Variants in TYK2 observed in about 807,000 individuals in gnomAD.
TYK2 encodes tyrosine kinase 2.
A neutral mutation model predicts 130.9 loss-of-function variants in TYK2; 65 were observed. That is an observed-to-expected ratio of 0.50 (90% confidence interval 0.41 to 0.61). The LOEUF (loss-of-function observed/expected upper bound fraction) is 0.61, where lower values mean the gene tolerates loss of function less well. Among genes scored for constraint, TYK2 ranks in the 20% least tolerant of loss-of-function variants. The pLI is 0.00. For missense variants in TYK2, 1,378 were observed against 1,610.7 expected, an observed-to-expected ratio of 0.86 and a Z score of 2.47; for synonymous variants, 647 against 658.9, an observed-to-expected ratio of 0.98 and a Z score of 0.28.
At chr19:10,357,381 C>T (rs190876159) in intron 17 of TYK2, 36 of 632,468 alleles carry the variant, frequency 5.7e-5, no homozygotes, top group African/African-American at 5.3e-4. Flanking sequence ...TAGAGTGGAA[C>T]TTCGTCTCAA....
At chr19:10,373,726 C>T (rs937951030) in intron 3 of TYK2, among the ~76,000 whole-genome samples, 2 of 152,170 alleles carry the variant, frequency 1.3e-5, no homozygotes, top group East Asian at 1.9e-4. Context: ...TTCCATGGCT[C>T]CCCATTGCTC....
In TYK2 at chr19:10,374,761, T is replaced by TA. The variant is rs2042053459; in HGVS notation, c.193+3452dup. 4.0e-5 allele frequency among the ~76,000 whole-genome samples: 6 copies of TA among 150,698 alleles called. No individual in the cohort carries two copies. In the South Asian group the frequency reaches 1.3e-3, roughly 31 times the overall value. On this transcript the variant is annotated intron_variant, in intron 3 of 24. Transcript: ENST00000525621. ...AGCTGGGCGTGGTGGCAGGCGCCTGTAATCCCAGCTACTCAGGAGGCTGAG... is the reference window on the plus strand; with the variant it reads ...AGCTGGGCGTGGTGGCAGGCGCCTGTAAATCCCAGCTACTCAGGAGGCTGAG...
chr19:10,359,780 C>T (rs1599339918), intron 14 of TYK2, among the ~76,000 whole-genome samples: 2 of 151,396 alleles, frequency 1.3e-5, no homozygotes, highest in South Asian at 2.1e-4. Flanking sequence ...GAGTTCGAGA[C>T]CAGCCTGGTC....
chr19:10,358,803 G>A lies in TYK2; in HGVS notation c.2175+372C>T, dbSNP rs562781600. Among the ~76,000 whole-genome samples the A allele has an allele frequency of 6.6e-4, 101 of 152,088 alleles. 3 individuals are homozygous for A. In the South Asian group the frequency reaches 0.013, roughly 20 times the overall value. ...GGGCCAGCTGGGCGTGGTGGCTCAC[G>A]CCTGGAATCCCAGCACTTTGGGAGG... is the stretch of plus-strand genomic sequence containing the variant. On this transcript the variant is annotated intron_variant, in intron 15 of 24. Transcript: ENST00000525621.
chr19:10,368,813 CTTT>C, intron 3 of TYK2: 108 of 194,540 alleles, frequency 5.6e-4, no homozygotes, highest in South Asian at 1.2e-3. Flanking sequence ...TTAAGTAAAA[CTTT>C]TTTTTTTTTT....
chr19:10,353,905 G>T lies in TYK2; in HGVS notation c.2908+137C>A. On this transcript the variant is annotated intron_variant, in intron 20 of 24. Coordinates refer to ENST00000525621, the MANE Select transcript of TYK2 (RefSeq NM_003331.5). This position sits in a 1 kb window ranked among gnomAD's most constrained non-coding sequence, Gnocchi z 6.9. ...GAGGCAGCCCAGCCACGCTCACCCAGATGCCAAGAACCGCGTACTGCAGCC... is the reference window on the plus strand; with the variant it reads ...GAGGCAGCCCAGCCACGCTCACCCATATGCCAAGAACCGCGTACTGCAGCC... The T allele has an allele frequency of 3.0e-6, 3 of 987,492 alleles. No homozygotes were observed. Among genetic ancestry groups the T allele is most frequent in the Non-Finnish European group, 4.6e-6 (3 of 651,612 alleles). 61.2% of individuals were successfully genotyped at this position (987,492 alleles called of 1,614,324 possible). A position where few individuals can be genotyped will look rare whatever the true frequency, so the allele number is the denominator to read the frequency against.
At chr19:10,368,889 A>G (rs1319241900) in intron 3 of TYK2, 1 of 193,220 alleles carries the variant, frequency 5.2e-6, no homozygotes, top group Non-Finnish European at 1.1e-5. Context: ...GCTCGCTGCA[A>G]CTTCCGCCTC....
chr19:10,362,748 G>T, intron 9 of TYK2, 91 bp from the exon 10 acceptor site: 1 of 1,101,760 alleles, frequency 9.1e-7, no homozygotes, highest in Non-Finnish European at 1.3e-6. Flanking sequence ...TACTTAGAGG[G>T]CACACACACA....
chr19:10,353,730 C>G lies in TYK2; in HGVS notation c.2909-84G>C. On this transcript the variant is annotated intron_variant, in intron 20 of 24. Coordinates refer to ENST00000525621, the MANE Select transcript of TYK2 (RefSeq NM_003331.5). This position sits in a 1 kb window ranked among gnomAD's most constrained non-coding sequence, Gnocchi z 6.9. ...TACCTTGAGCCCAGCAGAGCCCCTC[C>G]AAGGTCGGGAGGGAAGGCCAAGACC... The G allele has an allele frequency of 5.4e-6, 6 of 1,110,316 alleles. No individual in the cohort carries two copies. Among genetic ancestry groups the G allele is most frequent in the Non-Finnish European group, 7.5e-6 (6 of 795,772 alleles). 68.8% of individuals were successfully genotyped at this position (1,110,316 alleles called of 1,614,324 possible). A position where few individuals can be genotyped will look rare whatever the true frequency, so the allele number is the denominator to read the frequency against.
chr19:10,365,095 TTTATACCTC>T, intron 7 of TYK2, 47 bp from the exon 8 acceptor site: 1 of 1,540,446 alleles, frequency 6.5e-7, no homozygotes, highest in Non-Finnish European at 8.8e-7. Context: ...GCAATGCCCG[TTTATACCTC>T]CTGCACTTTC....
intron 15 of TYK2, 56 bp downstream of exon 15, chr19:10,359,119 C>A (rs566905785): frequency 1.7e-4 from 272 of 1,592,550 alleles, no homozygotes; most frequent in Non-Finnish European, 2.2e-4. Flanking sequence ...TGGTCTCGAA[C>A]TCCTGGGCTC....
At position 10,368,722 on chromosome 19, in the gene TYK2, C is replaced by T. The variant is rs530682675; in HGVS notation, c.194-304G>A. 5 of 401,944 alleles carry T rather than the reference C, an allele frequency of 1.2e-5. No individual in the cohort carries two copies. The East Asian group carries it at 2.7e-4, about 22-fold the overall frequency. 24.9% of individuals were successfully genotyped at this position (401,944 alleles called of 1,614,324 possible). A position where few individuals can be genotyped will look rare whatever the true frequency, so the allele number is the denominator to read the frequency against. On this transcript the variant is annotated intron_variant, in intron 3 of 24. Coordinates refer to ENST00000525621, the MANE Select transcript of TYK2 (RefSeq NM_003331.5). Reference sequence around the variant, plus strand: ...AAATAAATTCTCTTGCCACCTTCACCACCCGAGGTATGATGAAGGCTTCTT... The same window carrying T: ...AAATAAATTCTCTTGCCACCTTCACTACCCGAGGTATGATGAAGGCTTCTT...
At chr19:10,374,006 C>T (rs1380857735) in intron 3 of TYK2, among the ~76,000 whole-genome samples, 1 of 152,158 alleles carries the variant, frequency 6.6e-6, no homozygotes, top group Non-Finnish European at 1.5e-5. Flanking sequence ...GTGGCTCACA[C>T]CTGTAATCCC....
chr19:10,354,627 G>T lies in TYK2; in HGVS notation c.2618-18C>A. On this transcript the variant is annotated intron_variant, in intron 18 of 24. Transcript: ENST00000525621. Reference sequence around the variant, plus strand: ...AGCAAGATCTGGAAGAGTTGCGGTGGGTAAAGGCCTGACCCCGATCCTTTC... The same window carrying T: ...AGCAAGATCTGGAAGAGTTGCGGTGTGTAAAGGCCTGACCCCGATCCTTTC... 6.2e-7 allele frequency: 1 copy of T among 1,605,432 alleles called. No individual in the cohort carries two copies. The highest frequency in any genetic ancestry group is 8.5e-7 in the Non-Finnish European group (1 of 1,172,312).
In TYK2 at chr19:10,365,830, C is replaced by T. The variant is rs753240259; in HGVS notation, c.698G>A (p.Arg233His). ...IRQHSALTRLRLRNVFRRFLR... is the reference protein window; with the variant it reads ...IRQHSALTRLHLRNVFRRFLR... ...GAACCTGCGGAAGACGTTCCGAAGG[C>T]GCAGCCGGGTCAGGGCGCTGTGCTG... The change falls in exon 7 of 25, where the codon CGC becomes CAC. Residue 233 changes from arginine to histidine, a missense_variant. Arg to His is a conservative substitution (Grantham distance 29, BLOSUM62 0). Transcript: ENST00000525621. 1.4e-5 allele frequency: 22 copies of T among 1,612,378 alleles called. No homozygotes were observed. Among genetic ancestry groups the T allele is most frequent in the South Asian group, 4.4e-5 (4 of 90,998 alleles).
At chr19:10,355,819 C>T (rs1171343615) in intron 18 of TYK2, among the ~76,000 whole-genome samples, 2 of 145,164 alleles carry the variant, frequency 1.4e-5, no homozygotes, top group African/African-American at 2.6e-5. Context: ...AAAATTAGCC[C>T]GGCGTGGTGG....
rs1264694020 is a variant in TYK2 at position 10,365,875 on chromosome 19, G to C, written c.653C>G (p.Ser218Cys). The C allele has an allele frequency of 4.3e-6, 7 of 1,611,436 alleles. No homozygotes were observed. The highest frequency in any genetic ancestry group is 5.9e-6 in the Non-Finnish European group (7 of 1,179,264). Residue 218 changes from serine (S) to cysteine (C), a missense_variant, in exon 7 of 25, where the codon TCC becomes TGC. By Grantham distance (112) the Ser-to-Cys change is moderately radical. Transcript: ENST00000525621. ...GTGCTGCCGGATATGCCGGCGGAAG[G>C]AGCGCGGGATGCAGTCCTTGAAGCT... The part of the protein sequence containing the change: ...KTSFKDCIPR[S>C]FRRHIRQHSA...
At position 10,352,441 on chromosome 19, in the gene TYK2, G is replaced by A. The variant is rs1273045901; in HGVS notation, c.3311C>T (p.Pro1104Leu). ...LLTHCDSSQS[P>L]PTKFLELIGI... ...TGCGGGCCTGGCTCTCACCGTGGGG[G>A]GGCTCTGGCTGGAGTCACAGTGCGT... The change falls in exon 23 of 25, where the codon CCC becomes CTC. Residue 1104 changes from proline (P) to leucine (L), a missense_variant. Coordinates refer to ENST00000525621, the MANE Select transcript of TYK2 (RefSeq NM_003331.5). The A allele has an allele frequency of 2.5e-6, 4 of 1,608,092 alleles. No homozygotes were observed. Among genetic ancestry groups the A allele is most frequent in the Non-Finnish European group, 3.4e-6 (4 of 1,175,810 alleles).
At chr19:10,375,883 C>A (rs182063686) in intron 3 of TYK2, among the ~76,000 whole-genome samples, 1 of 151,278 alleles carries the variant, frequency 6.6e-6, no homozygotes, top group South Asian at 2.1e-4. Flanking sequence ...GCTGAGATTG[C>A]GCCATTGCAC....
Sources: allele counts gnomAD v4.1 joint callset (sites outside exome capture counted in the v4.1 genomes callset), GRCh38; gene constraint gnomAD v4.1.1; non-coding constraint Gnocchi (gnomAD v3.1); transcripts MANE v1.5; gene names NCBI Gene and HGNC (gene_info 2026-07-23, HGNC 2026-07-21).